The following ARRB1 variants were observed in gnomAD, a reference collection of about 807,000 sequenced individuals.
ARRB1 encodes the protein beta-arrestin-1.
In ARRB1, 21 loss-of-function variants were observed where a neutral mutation model predicts 56.8. That is an observed-to-expected ratio of 0.37 (90% CI 0.26 to 0.53). The LOEUF is 0.53. Ranked by LOEUF, ARRB1 falls within the 20% of genes least tolerant of loss-of-function variation. ARRB1 has a pLI of 0.88. For synonymous variants in ARRB1, 210 were observed against 218.6 expected, an observed-to-expected ratio of 0.96 and a Z score of 0.35; for missense variants, 424 against 553.7, an observed-to-expected ratio of 0.77 and a Z score of 2.35.
intron 8 of ARRB1, 95 bp downstream of exon 8, chr11:75,278,514 C>T (rs752948766): frequency 5.2e-6 from 8 of 1,548,590 alleles, no homozygotes; most frequent in Non-Finnish European, 7.0e-6. Flanking sequence ...GAAGCTCCTA[C>T]CTGAGGCATC....
rs1466562639 is a variant in ARRB1 at position 75,274,137 on chromosome 11, T to C, written c.851A>G (p.Lys284Arg). 2 of 1,614,144 alleles carry C rather than the reference T, an allele frequency of 1.2e-6. No homozygotes were observed. The highest frequency in any genetic ancestry group is 3.3e-5 in the Admixed American group (2 of 60,028). ...LTPFLANNREKRGLALDGKLK... is the reference protein window; with the variant it reads ...LTPFLANNRERRGLALDGKLK... Reference sequence around the variant, plus strand: ...CTTCCCGTCCAAGGCGAGGCCCCGCTTCTCTCGGTTATTGGCTAGGAAGGG... The same window carrying C: ...CTTCCCGTCCAAGGCGAGGCCCCGCCTCTCTCGGTTATTGGCTAGGAAGGG... The change falls in exon 11 of 16, where the codon AAG (lysine) becomes AGG (arginine). Residue 284 changes from lysine to arginine, a missense_variant. Lys to Arg is a conservative substitution (Grantham distance 26). Transcript: ENST00000420843.
In ARRB1 at chr11:75,272,934, G is replaced by A; in HGVS notation, c.959C>T (p.Ser320Phe). ...ANREILGIIV[S>F]YKVKVKLVVS... ...CACCAGCTTCACTTTCACTTTGTAG[G>A]AAACAATGATCCCCAGGATCTCACG... is the stretch of plus-strand genomic sequence containing the variant. The change falls in exon 12 of 16, where the codon TCC becomes TTC. Residue 320 changes from serine to phenylalanine, a missense_variant. This residue lies in a region of ARRB1 where 121 missense variants were observed against 147.3 expected (regional missense o/e 0.82). Coordinates refer to ENST00000420843, the MANE Select transcript of ARRB1 (RefSeq NM_004041.5). 1.2e-6 allele frequency: 2 copies of A among 1,614,040 alleles called. No homozygotes were observed. The highest frequency in any genetic ancestry group is 8.5e-7 in the Non-Finnish European group (1 of 1,179,974).
rs1017617453 is a variant in ARRB1, at chr11:75,262,349, C to A, written c.*3814G>T. 4.6e-5 allele frequency: 7 copies of A among 152,260 alleles called. No individual in the cohort carries two copies. Among genetic ancestry groups the A allele is most frequent in the Non-Finnish European group, 8.8e-5 (6 of 68,086 alleles). 9.4% of individuals were successfully genotyped at this position (152,260 alleles called of 1,614,324 possible). ...CACCAATCACTGACAATATCCAGGTCTTCCCTCTGTGTCCTGGTTGCTGGG... is the reference window on the plus strand; with the variant it reads ...CACCAATCACTGACAATATCCAGGTATTCCCTCTGTGTCCTGGTTGCTGGG... On this transcript the variant is annotated 3_prime_UTR_variant, in exon 16 of 16. Coordinates refer to ENST00000420843, the MANE Select transcript of ARRB1 (RefSeq NM_004041.5).
In ARRB1 at chr11:75,272,880, G is replaced by A. The variant is rs772017973; in HGVS notation, c.998+15C>T. 9 of 1,613,590 alleles carry A rather than the reference G, an allele frequency of 5.6e-6. No homozygotes were observed. The highest frequency in any genetic ancestry group is 1.3e-5 in the African/African-American group (1 of 74,878). Reference sequence around the variant, plus strand: ...CTCTGCACTCCGGGGTCTTGGGCTTGGCTGGAGCACTCACCCGCCCCGAGA... The same window carrying A: ...CTCTGCACTCCGGGGTCTTGGGCTTAGCTGGAGCACTCACCCGCCCCGAGA... On this transcript the variant is annotated intron_variant, in intron 12 of 15. Coordinates refer to ENST00000420843, the MANE Select transcript of ARRB1 (RefSeq NM_004041.5).
chr11:75,314,379 C>G (rs979720769), intron 1 of ARRB1, among the ~76,000 whole-genome samples: 2 of 152,212 alleles, frequency 1.3e-5, no homozygotes, highest in East Asian at 1.9e-4. Flanking sequence ...GGATGCCCCC[C>G]CTCCAGCAGA....
At chr11:75,337,601 A>T (rs969132841) in intron 1 of ARRB1, among the ~76,000 whole-genome samples, 1 of 151,950 alleles carries the variant, frequency 6.6e-6, no homozygotes, top group African/African-American at 2.4e-5. Flanking sequence ...TTTGCCCTCG[A>T]GCAGAGAGGG....
At chr11:75,311,808 C>T (rs1286372697) in intron 1 of ARRB1, among the ~76,000 whole-genome samples, 1 of 152,188 alleles carries the variant, frequency 6.6e-6, no homozygotes, top group Non-Finnish European at 1.5e-5. Flanking sequence ...GTGGGGGATT[C>T]CTGAATTCCT....
At chr11:75,291,538 A>G (rs1946611858) in intron 1 of ARRB1, among the ~76,000 whole-genome samples, 1 of 152,130 alleles carries the variant, frequency 6.6e-6, no homozygotes, top group Admixed American at 6.6e-5. Flanking sequence ...ACTCCCAAAA[A>G]GTGGAACTCA....
intron 1 of ARRB1, chr11:75,335,224 G>A (rs377226070): frequency 2.1e-5 from 4 of 192,752 alleles, no homozygotes; most frequent in Non-Finnish European, 5.0e-5. Context: ...TGGGAGTCCC[G>A]CTGCTACTTA....
chr11:75,338,307 G>A (rs372723474), intron 1 of ARRB1, among the ~76,000 whole-genome samples: 2 of 152,176 alleles, frequency 1.3e-5, no homozygotes, highest in African/African-American at 4.8e-5. Flanking sequence ...GCAACTAGAA[G>A]ACAATTGTAA....
rs757838584 is a variant in ARRB1, at chr11:75,271,720, A to G, written c.1003T>C (p.Leu335=). 3.2e-6 allele frequency: 5 copies of G among 1,572,552 alleles called. No homozygotes were observed. The South Asian group carries it at 4.7e-5, about 15-fold the overall frequency. ...VKLVVSRGGL[L]GDLASSDVAV... ...ATTTACCTGGATGCAAGATCTCCCA[A>G]CAGGCTGGGTGGGTCAGAGGAGGCA... Residue 335 remains leucine (L), a synonymous_variant, in exon 13 of 16, where the codon TTG becomes CTG. Coordinates refer to ENST00000420843, the MANE Select transcript of ARRB1 (RefSeq NM_004041.5).
intron 1 of ARRB1, among the ~76,000 whole-genome samples, chr11:75,336,254 G>A (rs1220318780): frequency 6.6e-6 from 1 of 152,150 alleles, no homozygotes; most frequent in Non-Finnish European, 1.5e-5. Flanking sequence ...TGCCCTCTCT[G>A]GATGTGTCTG....
chr11:75,345,850 G>T (rs1317353561), intron 1 of ARRB1, among the ~76,000 whole-genome samples: 1 of 152,156 alleles, frequency 6.6e-6, no homozygotes, highest in Non-Finnish European at 1.5e-5. Context: ...ACCGATAGCA[G>T]AGGCAAGAAG....
In ARRB1 at chr11:75,277,392, G is replaced by T; in HGVS notation, c.675C>A (p.Asn225Lys). 1 of 1,614,202 alleles carries T rather than the reference G, an allele frequency of 6.2e-7. No individual in the cohort carries two copies. The highest frequency in any genetic ancestry group is 1.1e-5 in the South Asian group (1 of 91,084). Residue 225 changes from asparagine to lysine, a missense_variant, in exon 9 of 16, where the codon AAC (asparagine) becomes AAA (lysine). By Grantham distance (94) the Asn-to-Lys change is moderately conservative. Around this residue, in one of 3 missense-constraint regions of ARRB1, gnomAD observed 301 missense variants for 387.9 expected, o/e 0.78. Coordinates refer to ENST00000420843, the MANE Select transcript of ARRB1 (RefSeq NM_004041.5). ...AGATCTTGATCTTCTTCACCGTCTT[G>T]TTGGTGTTGTTGGTGACGTGGACGT... Reference protein sequence around the residue: ...SVNVHVTNNTNKTVKKIKISV... With the variant: ...SVNVHVTNNTKKTVKKIKISV...
Position 75,276,819 on chromosome 11 carries a change from C to T in ARRB1, c.776+20G>A. The T allele has an allele frequency of 6.2e-7, 1 of 1,613,622 alleles. No homozygotes were observed. On this transcript the variant is annotated intron_variant, in intron 10 of 15. Coordinates refer to ENST00000420843, the MANE Select transcript of ARRB1 (RefSeq NM_004041.5). ...CCCACCCAATCCCATACGCCCAAGG[C>T]CAGACTTGTGCCCACTTACTCAGCC...
At chr11:75,286,253 A>ATT (rs1312918523) in intron 3 of ARRB1, among the ~76,000 whole-genome samples, 3 of 92,846 alleles carry the variant, frequency 3.2e-5, no homozygotes, top group African/African-American at 1.3e-4. Context: ...TGATTTGCTC[A>ATT]TCTTTTTTTT....
intron 1 of ARRB1, among the ~76,000 whole-genome samples, chr11:75,296,732 C>T (rs1196989999): frequency 6.6e-6 from 1 of 151,838 alleles, no homozygotes; most frequent in East Asian, 1.9e-4. Context: ...GGCTGGAGTA[C>T]AGCGGCACCA....
At chr11:75,345,751 G>C (rs1338289217) in intron 1 of ARRB1, among the ~76,000 whole-genome samples, 1 of 152,158 alleles carries the variant, frequency 6.6e-6, no homozygotes, top group Non-Finnish European at 1.5e-5. Context: ...CCTCTCTTTT[G>C]AGAACTTGCC....
At chr11:75,306,637 G>T in intron 1 of ARRB1, 1 of 1,288,934 alleles carries the variant, frequency 7.8e-7, no homozygotes, top group Non-Finnish European at 1.0e-6. Flanking sequence ...ACTGTGAGGT[G>T]GAGGGAGCCT....
Sources: allele counts gnomAD v4.1 joint callset (sites outside exome capture counted in the v4.1 genomes callset), GRCh38; gene constraint gnomAD v4.1.1; regional missense constraint gnomAD v4.1.1; transcripts MANE v1.5; gene names NCBI Gene and HGNC (gene_info 2026-07-23, HGNC 2026-07-21).